The following OR52A5 variants were observed in gnomAD, a reference collection of about 807,000 sequenced individuals.
The protein encoded by OR52A5 is olfactory receptor 52A5.
In OR52A5, 16 loss-of-function variants were observed where a neutral mutation model predicts 18.2. The ratio of observed to expected loss-of-function variants is 0.88; its 90% CI spans 0.60 to 1.34. OR52A5 has a LOEUF of 1.34. OR52A5 is among the 40% of genes most tolerant of loss of function. The probability of loss-of-function intolerance (pLI) is 0.00; values close to 1 mark genes in which losing one functional copy is unlikely to be tolerated. For synonymous variants in OR52A5, 140 were observed against 137.2 expected, an observed-to-expected ratio of 1.02 and a Z score of -0.14; for missense variants, 418 against 383.0, an observed-to-expected ratio of 1.09 and a Z score of -0.76.
rs148275697 is a variant in OR52A5, at chr11:5,132,299, C to A, written c.344G>T (p.Gly115Val). The A allele has an allele frequency of 1.7e-5, 28 of 1,614,106 alleles. No homozygotes were observed. The South Asian group carries it at 2.2e-4, about 13-fold the overall frequency. Residue 115 changes from glycine (G) to valine (V), a missense_variant, in exon 2 of 2, where the codon GGT becomes GTT. By Grantham distance (109) the Gly-to-Val change is moderately radical. Coordinates refer to ENST00000307388, the MANE Select transcript of OR52A5 (RefSeq NM_001005160.3). Reference sequence around the variant, plus strand: ...ATCCAGGGCCATTGCCAGAAGGATACCCGATTCAATTGCCTGGAATGAGTG... The same window carrying A: ...ATCCAGGGCCATTGCCAGAAGGATAACCGATTCAATTGCCTGGAATGAGTG... ...LIHSFQAIES[G>V]ILLAMALDRY...
At chr11:5,137,449 T>C (rs538907231) in intron 1 of OR52A5, among the ~76,000 whole-genome samples, 2 of 152,082 alleles carry the variant, frequency 1.3e-5, no homozygotes, top group Admixed American at 6.5e-5. Context: ...CTTTATATCA[T>C]CTTTAAAGTT....
intron 1 of OR52A5, among the ~76,000 whole-genome samples, chr11:5,134,739 A>G (rs956469645): frequency 6.6e-6 from 1 of 151,810 alleles, no homozygotes; most frequent in African/African-American, 2.4e-5. Context: ...ATATTAATAT[A>G]TTAATATTAA....
Position 5,132,120 on chromosome 11 carries a change from T to C in OR52A5, c.523A>G (p.Thr175Ala). The C allele has an allele frequency of 6.2e-7, 1 of 1,614,172 alleles. No homozygotes were observed. The highest frequency in any genetic ancestry group is 8.5e-7 in the Non-Finnish European group (1 of 1,180,040). Residue 175 changes from threonine to alanine, a missense_variant, in exon 2 of 2, where the codon ACA (threonine) becomes GCA (alanine). Coordinates refer to ENST00000307388, the MANE Select transcript of OR52A5 (RefSeq NM_001005160.3). ...IKCCLKHYRTTVISHSYCEHM... is the reference protein window; with the variant it reads ...IKCCLKHYRTAVISHSYCEHM... Reference sequence around the variant, plus strand: ...TCACAGTAAGAGTGAGAGATGACTGTAGTTCGATAGTGTTTCAGACAGCAT... The same window carrying C: ...TCACAGTAAGAGTGAGAGATGACTGCAGTTCGATAGTGTTTCAGACAGCAT...
rs538836858 is a variant in OR52A5 at position 5,130,991 on chromosome 11, G to A, written c.*701C>T. Reference sequence around the variant, plus strand: ...AATAAAATCTCTAGCATGGTTTTCTGTATGGTAAGATTGCATATTACTTAG... The same window carrying A: ...AATAAAATCTCTAGCATGGTTTTCTATATGGTAAGATTGCATATTACTTAG... On this transcript the variant is annotated 3_prime_UTR_variant, in exon 2 of 2. Coordinates refer to ENST00000307388, the MANE Select transcript of OR52A5 (RefSeq NM_001005160.3). The A allele has an allele frequency of 3.3e-5, 5 of 152,186 alleles. No homozygotes were observed. Among genetic ancestry groups the A allele is most frequent in the Non-Finnish European group, 5.9e-5 (4 of 67,966 alleles). The allele number at this position is 152,186 out of a possible 1,614,324, so 9.4% of individuals were successfully genotyped here.
At chr11:5,135,473 T>C (rs1218003803) in intron 1 of OR52A5, among the ~76,000 whole-genome samples, 3 of 152,140 alleles carry the variant, frequency 2.0e-5, no homozygotes, top group Non-Finnish European at 4.4e-5. Context: ...GAATGGACTT[T>C]CTCCTGATCC....
rs1308023270 is a variant in OR52A5, at chr11:5,132,018, T to C, written c.625A>G (p.Ile209Val). 5.0e-6 allele frequency: 8 copies of C among 1,614,188 alleles called. No individual in the cohort carries two copies. Among genetic ancestry groups the C allele is most frequent in the East Asian group, 4.5e-5 (2 of 44,882 alleles). Residue 209 changes from isoleucine to valine, a missense_variant, in exon 2 of 2, where the codon ATC (isoleucine) becomes GTC (valine). Transcript: ENST00000307388. ...KIYGLFVAFA[I>V]LGFDIIFITL... The stretch of plus-strand genomic sequence containing the variant: ...ATAAATATTATGTCAAACCCTAGGA[T>C]TGCAAAGGCAACAAATAGGCCATAT...
In OR52A5 at chr11:5,132,569, A is replaced by G; in HGVS notation, c.74T>C (p.Val25Ala). The G allele has an allele frequency of 6.2e-7, 1 of 1,614,036 alleles. No individual in the cohort carries two copies. Among genetic ancestry groups the G allele is most frequent in the Non-Finnish European group, 8.5e-7 (1 of 1,179,902 alleles). Residue 25 changes from valine (V) to alanine (A), a missense_variant, in exon 2 of 2, where the codon GTG (valine) becomes GCG (alanine). Transcript: ENST00000307388. ...ILIGIPGLESVQCWIGIPFSA... is the reference protein window; with the variant it reads ...ILIGIPGLESAQCWIGIPFSA... ...GAAAGGAATCCCAATCCAACACTGC[A>G]CTGACTCCAGACCAGGAATCCCAAT... is the stretch of plus-strand genomic sequence containing the variant.
At position 5,131,975 on chromosome 11, in the gene OR52A5, TG is replaced by T. The variant is rs779275881; in HGVS notation, c.667del (p.Gln223LysfsTer63). The T allele has an allele frequency of 7.4e-6, 12 of 1,614,216 alleles. No individual in the cohort carries two copies. In the African/African-American group the frequency reaches 8.0e-5, roughly 11 times the overall value. ...CAGCTGAAAGACAGTGATAAAAATT[TG>T]GACATAGGACAAGGTTATAAATATT... ...DIIFITLSYV[Q>X]IFITVFQLPQ... is the part of the protein sequence containing the mutation. On this transcript the variant is annotated frameshift_variant, in exon 2 of 2. Coordinates refer to ENST00000307388, the MANE Select transcript of OR52A5 (RefSeq NM_001005160.3). LOFTEE classifies it high-confidence loss of function.
chr11:5,136,977 C>T (rs1184682539), intron 1 of OR52A5, among the ~76,000 whole-genome samples: 1 of 152,138 alleles, frequency 6.6e-6, no homozygotes, highest in Non-Finnish European at 1.5e-5. Flanking sequence ...GGAATGAGAG[C>T]AAGGGCATAG....
intron 1 of OR52A5, among the ~76,000 whole-genome samples, chr11:5,137,100 A>C (rs1846398531): frequency 6.6e-6 from 1 of 152,222 alleles, no homozygotes; most frequent in South Asian, 2.1e-4. Context: ...CACCAACATG[A>C]TGTAAGGGTA....
chr11:5,134,395 T>A (rs1265588779), intron 1 of OR52A5, among the ~76,000 whole-genome samples: 1 of 152,160 alleles, frequency 6.6e-6, no homozygotes, highest in Non-Finnish European at 1.5e-5. Flanking sequence ...TGAAAGAGCA[T>A]GTATAAGCTA....
rs759759899 is a variant in OR52A5 at position 5,132,456 on chromosome 11, T to C, written c.187A>G (p.Ile63Val). 3.7e-6 allele frequency: 6 copies of C among 1,613,946 alleles called. No homozygotes were observed. The highest frequency in any genetic ancestry group is 1.7e-5 in the Admixed American group (1 of 59,986). ...YENSLHIPMY[I>V]FLAMLAATDI... ...GTGGCTGCCAACATGGCCAAAAAAA[T>C]GTACATGGGTATATGGAGGCTGTTT... is the stretch of plus-strand genomic sequence containing the variant. The change falls in exon 2 of 2, where the codon ATT (isoleucine) becomes GTT (valine). Residue 63 changes from isoleucine to valine, a missense_variant. Ile to Val is a conservative substitution (Grantham distance 29). Coordinates refer to ENST00000307388, the MANE Select transcript of OR52A5 (RefSeq NM_001005160.3).
rs1465363512 is a variant in OR52A5 at position 5,131,605 on chromosome 11, T to C, written c.*87A>G. 6 of 691,422 alleles carry C rather than the reference T, an allele frequency of 8.7e-6. No homozygotes were observed. The highest frequency in any genetic ancestry group is 1.9e-5 in the South Asian group (1 of 51,840). The allele number at this position is 691,422 out of a possible 1,614,324, so 42.8% of individuals were successfully genotyped here. ...GAATTACAGGTATGTGTTGAGCTAG[T>C]AGTTTGAGAATATTGATCTGTGACT... On this transcript the variant is annotated 3_prime_UTR_variant, in exon 2 of 2. Transcript: ENST00000307388.
rs1192412018 is a variant in OR52A5, at chr11:5,131,686, T to C, written c.*6A>G. The stretch of plus-strand genomic sequence containing the variant: ...AACCCTAAATCTCTATAGGAGTCAC[T>C]AACGATCAAGTTACTTTTTTGAAGA... On this transcript the variant is annotated 3_prime_UTR_variant, in exon 2 of 2. Transcript: ENST00000307388. The C allele has an allele frequency of 1.0e-5, 16 of 1,585,076 alleles. No individual in the cohort carries two copies. The highest frequency in any genetic ancestry group is 1.3e-5 in the Non-Finnish European group (15 of 1,156,984).
rs1483343410 is a variant in OR52A5 at position 5,130,266 on chromosome 11, T to C, written c.*1426A>G. ...TTTTCATTCACTCATGATTAATCTG[T>C]AGTTATCATCATATTGTTTGTTTTG... On this transcript the variant is annotated 3_prime_UTR_variant, in exon 2 of 2. Coordinates refer to ENST00000307388, the MANE Select transcript of OR52A5 (RefSeq NM_001005160.3). 1 of 152,106 alleles carries C rather than the reference T, an allele frequency of 6.6e-6. No individual in the cohort carries two copies. Among genetic ancestry groups the C allele is most frequent in the African/African-American group, 2.4e-5 (1 of 41,444 alleles). The allele number at this position is 152,106 out of a possible 1,614,324, so 9.4% of individuals were successfully genotyped here.
rs1379384367 is a variant in OR52A5 at position 5,132,654 on chromosome 11, C to G, written c.-12G>C. On this transcript the variant is annotated 5_prime_UTR_variant, in exon 2 of 2. Coordinates refer to ENST00000307388, the MANE Select transcript of OR52A5 (RefSeq NM_001005160.3). ...TTGAATGTCGGCATGATTTGTTCAT[C>G]AGAATCAAGTGGTAGATTTGCTGTT... is the stretch of plus-strand genomic sequence containing the variant. 6.5e-7 allele frequency: 1 copy of G among 1,540,998 alleles called. No individual in the cohort carries two copies. Among genetic ancestry groups the G allele is most frequent in the East Asian group, 2.3e-5 (1 of 44,242 alleles).
intron 1 of OR52A5, among the ~76,000 whole-genome samples, chr11:5,137,076 A>T (rs1166125072): frequency 1.3e-5 from 2 of 152,248 alleles, no homozygotes; most frequent in Non-Finnish European, 2.9e-5. Context: ...AACAAATCAA[A>T]ATCTGTGAGG....
In OR52A5 at chr11:5,130,034, A is replaced by G. The variant is rs1846320868; in HGVS notation, c.*1658T>C. 1.3e-5 allele frequency: 2 copies of G among 152,010 alleles called. No homozygotes were observed. 9.4% of individuals were successfully genotyped at this position (152,010 alleles called of 1,614,324 possible). Reference sequence around the variant, plus strand: ...AATTTTTTTCCATTAGATAATGTGCATTTTTAAGATCTTTGTTGTTTGTCT... The same window carrying G: ...AATTTTTTTCCATTAGATAATGTGCGTTTTTAAGATCTTTGTTGTTTGTCT... On this transcript the variant is annotated 3_prime_UTR_variant, in exon 2 of 2. Coordinates refer to ENST00000307388, the MANE Select transcript of OR52A5 (RefSeq NM_001005160.3).
chr11:5,134,793 A>G (rs1438574762), intron 1 of OR52A5, among the ~76,000 whole-genome samples: 1 of 152,012 alleles, frequency 6.6e-6, no homozygotes, highest in Non-Finnish European at 1.5e-5. Context: ...TGTTATAAGT[A>G]AATACACTTG....
Sources: gnomAD v4.1 joint callset for allele counts (sites outside exome capture counted in the v4.1 genomes callset) on GRCh38, gnomAD v4.1.1 for gene constraint, MANE v1.5 for transcripts, NCBI Gene and HGNC (gene_info 2026-07-23, HGNC 2026-07-21) for gene names.